Variants in MYOCD observed in about 807,000 individuals in gnomAD.
MYOCD encodes the protein myocardin.
Under a neutral mutation model 96.1 loss-of-function variants are expected in MYOCD, and 32 were observed. That is an observed-to-expected ratio of 0.33 (90% CI 0.25 to 0.45). The LOEUF (loss-of-function observed/expected upper bound fraction) is 0.45. MYOCD is among the 20% of genes least tolerant of loss of function. The pLI is 1.00. For missense variants in MYOCD, 1,133 were observed against 1,200.6 expected, an observed-to-expected ratio of 0.94 and a Z score of 0.83; for synonymous variants, 469 against 469.0, an observed-to-expected ratio of 1.00 and a Z score of 0.00.
rs558949184 is a variant in MYOCD, at chr17:12,722,715, T to G, written c.254-132T>G. On this transcript the variant is annotated intron_variant, in intron 4 of 13. Transcript: ENST00000425538. The stretch of plus-strand genomic sequence containing the variant: ...CTAATCCCTGTAAAGTGATGATGAT[T>G]GCATCGAAAAATTATTAGGATGGTA... 1.4e-3 allele frequency: 999 copies of G among 693,922 alleles called. 10 individuals are homozygous for G. The highest frequency in any genetic ancestry group is 0.01 in the South Asian group (462 of 45,108). 43.0% of individuals were successfully genotyped at this position (693,922 alleles called of 1,614,324 possible).
chr17:12,697,423 C>T (rs891029508), intron 1 of MYOCD, among the ~76,000 whole-genome samples: 3 of 135,882 alleles, frequency 2.2e-5, no homozygotes, highest in Non-Finnish European at 3.1e-5. Flanking sequence ...AGTGCAGTGG[C>T]GCAATCTTGG....
chr17:12,720,551 C>A (rs1388497162), intron 4 of MYOCD: 1 of 152,120 alleles, frequency 6.6e-6, no homozygotes, highest in African/African-American at 2.4e-5. Context: ...AAAAGGTTTA[C>A]AGGACAATGT....
intron 7 of MYOCD, among the ~76,000 whole-genome samples, chr17:12,743,633 C>T (rs762727238): frequency 6.6e-5 from 10 of 151,756 alleles, no homozygotes; most frequent in Non-Finnish European, 1.5e-4. Context: ...GCTGGGATTA[C>T]AGGCGCCTGA....
rs1478459746 is a variant in MYOCD, at chr17:12,665,998, C to G, written c.-191C>G. 5.4e-6 allele frequency: 3 copies of G among 559,628 alleles called. No individual in the cohort carries two copies. Among genetic ancestry groups the G allele is most frequent in the Non-Finnish European group, 9.5e-6 (3 of 314,628 alleles). The allele number at this position is 559,628 out of a possible 1,614,324, so 34.7% of individuals were successfully genotyped here. A position where few individuals can be genotyped will look rare whatever the true frequency, so the allele number is the denominator to read the frequency against. Reference sequence around the variant, plus strand: ...CCGCCGGCTAAGAGTTAATTAGCCCCGCACGGCGAGGGGGGAGGCGCCAGT... The same window carrying G: ...CCGCCGGCTAAGAGTTAATTAGCCCGGCACGGCGAGGGGGGAGGCGCCAGT... On this transcript the variant is annotated 5_prime_UTR_variant, in exon 1 of 14. Coordinates refer to ENST00000425538, the MANE Select transcript of MYOCD (RefSeq NM_001146312.3). The surrounding 1 kb of genome is among the most constrained non-coding windows in gnomAD (Gnocchi z 4.2).
At position 12,752,434 on chromosome 17, in the gene MYOCD, G is replaced by A. The variant is rs139661646; in HGVS notation, c.1146G>A (p.Gln382=). The A allele has an allele frequency of 1.8e-4, 297 of 1,612,010 alleles. No individual in the cohort carries two copies. In the African/African-American group the frequency reaches 3.3e-3, roughly 18 times the overall value. Residue 382 remains glutamine, a synonymous_variant, in exon 10 of 14, where the codon CAG becomes CAA. Transcript: ENST00000425538. ...DDLKVSELRQ[Q]LRIRGLPVSG... ...TTTAGGTCTCTGAATTAAGACAACA[G>A]CTTCGAATTCGGGGCTTGCCTGTGT... is the stretch of plus-strand genomic sequence containing the variant.
intron 1 of MYOCD, among the ~76,000 whole-genome samples, chr17:12,692,701 C>T (rs576487558): frequency 1.3e-5 from 2 of 152,240 alleles, no homozygotes; most frequent in South Asian, 4.2e-4. Flanking sequence ...TATTTCCCTC[C>T]TCTTCAACCT....
At chr17:12,746,727 C>CTT (rs3050321) in intron 9 of MYOCD, among the ~76,000 whole-genome samples, 63,915 of 114,664 alleles carry the variant, frequency 0.56, 18,932 homozygotes, top group East Asian at 0.69. Context: ...TGGTGCCTAC[C>CTT]TTTTTTTTTT....
Position 12,760,677 on chromosome 17 carries a change from G to A in MYOCD, c.2359G>A (p.Glu787Lys). The change falls in exon 13 of 14, where the codon GAA becomes AAA. Residue 787 changes from glutamate to lysine, a missense_variant. Physicochemically the swap from Glu to Lys is moderately conservative, Grantham distance 56. Transcript: ENST00000425538. The part of the protein sequence containing the change: ...QQMTRSQQMD[E>K]LLDVLIESGE... ...AATGACCCGGAGTCAGCAGATGGAT[G>A]AACTCCTGGACGTGCTTATTGAAAG... 1 of 1,614,018 alleles carries A rather than the reference G, an allele frequency of 6.2e-7. No individual in the cohort carries two copies. Among genetic ancestry groups the A allele is most frequent in the East Asian group, 2.2e-5 (1 of 44,878 alleles).
Position 12,699,217 on chromosome 17 carries a change from C to T in MYOCD, c.56-5911C>T, listed in dbSNP as rs536732039. Among the ~76,000 whole-genome samples the T allele has an allele frequency of 3.5e-4, 53 of 152,202 alleles. 1 individual carries two copies. In the South Asian group the frequency reaches 6.4e-3, roughly 18 times the overall value. On this transcript the variant is annotated intron_variant, in intron 1 of 13. Coordinates refer to ENST00000425538, the MANE Select transcript of MYOCD (RefSeq NM_001146312.3). ...TTGGCTCACTGCAACCTCCGCTTCC[C>T]GGGTTCAAGTGATTCTCATGCCTCA...
At chr17:12,755,389 T>A (rs1036764386) in intron 10 of MYOCD, among the ~76,000 whole-genome samples, 8 of 152,086 alleles carry the variant, frequency 5.3e-5, no homozygotes, top group Admixed American at 5.2e-4. Flanking sequence ...GGTGGGCGGA[T>A]CACAAGGTCA....
chr17:12,741,565 C>T (rs1285310823), intron 7 of MYOCD, among the ~76,000 whole-genome samples: 1 of 151,904 alleles, frequency 6.6e-6, no homozygotes, highest in Non-Finnish European at 1.5e-5. Flanking sequence ...AAAAATTAGC[C>T]GGACGTGGTG....
At chr17:12,738,482 T>C (rs2032408553) in intron 6 of MYOCD, among the ~76,000 whole-genome samples, 1 of 152,114 alleles carries the variant, frequency 6.6e-6, no homozygotes, top group Non-Finnish European at 1.5e-5. Flanking sequence ...GACTCACATA[T>C]GTATACACAC....
chr17:12,746,148 C>G, intron 9 of MYOCD, 76 bp downstream of exon 9: 3 of 1,472,104 alleles, frequency 2.0e-6, no homozygotes, highest in Non-Finnish European at 2.8e-6. Flanking sequence ...CCAGGACCAA[C>G]TGATATCTGG....
chr17:12,714,511 GA>G (rs137943301), intron 2 of MYOCD, among the ~76,000 whole-genome samples: 1 of 151,652 alleles, frequency 6.6e-6, no homozygotes, highest in East Asian at 1.9e-4. Context: ...CAATTCAGGG[GA>G]AAAAAAATCA....
intron 11 of MYOCD, 21 bp downstream of exon 11, chr17:12,756,578 C>T: frequency 9.1e-6 from 14 of 1,542,682 alleles, no homozygotes; most frequent in Non-Finnish European, 1.2e-5. Context: ...GAAAAAAGGC[C>T]TCAACCTGGG....
chr17:12,732,263 C>G (rs569437781), intron 5 of MYOCD, among the ~76,000 whole-genome samples: 2 of 152,220 alleles, frequency 1.3e-5, no homozygotes, highest in East Asian at 3.9e-4. Context: ...TAGCCCTCTC[C>G]CCTGGCTGAA....
chr17:12,758,661 C>T (rs995931276), intron 12 of MYOCD, among the ~76,000 whole-genome samples: 10 of 152,160 alleles, frequency 6.6e-5, no homozygotes, highest in Non-Finnish European at 1.3e-4. Flanking sequence ...AAAACACTGA[C>T]GGGTATTGAA....
At chr17:12,749,451 C>T (rs1320752201) in intron 9 of MYOCD, among the ~76,000 whole-genome samples, 1 of 151,582 alleles carries the variant, frequency 6.6e-6, no homozygotes, top group African/African-American at 2.4e-5. Context: ...ATTGCTTGAA[C>T]CCAGGAGACG....
intron 5 of MYOCD, among the ~76,000 whole-genome samples, chr17:12,732,916 T>G (rs1412067852): frequency 6.6e-6 from 1 of 152,174 alleles, no homozygotes. Context: ...ATCTCCTGCC[T>G]TCTTTGTTCC....
Sources: gnomAD v4.1 joint callset for allele counts (sites outside exome capture counted in the v4.1 genomes callset) on GRCh38, gnomAD v4.1.1 for gene constraint, Gnocchi (gnomAD v3.1) non-coding constraint, MANE v1.5 for transcripts, NCBI Gene and HGNC (gene_info 2026-07-23, HGNC 2026-07-21) for gene names.